Variants in LYPLAL1 observed in about 807,000 individuals in gnomAD.
LYPLAL1 encodes lysophospholipase-like protein 1.
A neutral mutation model predicts 19.7 loss-of-function variants in LYPLAL1; 23 were observed. The observed-to-expected ratio is 1.17, with a 90% CI of 0.84 to 1.65. The LOEUF is 1.65. Ranked by LOEUF, LYPLAL1 falls within the 40% of genes most tolerant of loss-of-function variation. LYPLAL1 has a pLI of 0.00. For missense variants in LYPLAL1, 355 were observed against 279.4 expected, an observed-to-expected ratio of 1.27 and a Z score of -1.93; for synonymous variants, 119 against 96.3, an observed-to-expected ratio of 1.24 and a Z score of -1.38.
chr1:219,419,594 C>CAGAGAGAGAGAGAGAGAGAGAG, the LYPLAL1 span, among the ~76,000 whole-genome samples: 6 of 99,528 alleles, frequency 6.0e-5, no homozygotes, highest in African/African-American at 2.4e-4. Flanking sequence ...CACACACACA[C>CAGAGAGAGAGAGAGAGAGAGAG]AGAGAGAGAG....
At chr1:219,227,170 T>G in the LYPLAL1 span, among the ~76,000 whole-genome samples, 1 of 152,346 alleles carries the variant, frequency 6.6e-6, no homozygotes, top group Non-Finnish European at 1.5e-5. Context: ...TGCTGAGAGA[T>G]TTTGGTAAGC....
At chr1:219,352,516 CAAATAAAT>C in the LYPLAL1 span, among the ~76,000 whole-genome samples, 11 of 150,792 alleles carry the variant, frequency 7.3e-5, no homozygotes, top group Admixed American at 4.0e-4. Context: ...GACTCCGTCT[CAAATAAAT>C]AAATAAATAA....
At chr1:219,343,898 AG>A in the LYPLAL1 span, among the ~76,000 whole-genome samples, 1 of 152,126 alleles carries the variant, frequency 6.6e-6, no homozygotes, top group African/African-American at 2.4e-5. Flanking sequence ...GGTAGAGAAA[AG>A]TAAGTCACTC....
At chr1:219,241,098 ATCTC>A in the LYPLAL1 span, among the ~76,000 whole-genome samples, 194 of 59,180 alleles carry the variant, frequency 3.3e-3, 4 homozygotes, top group South Asian at 6.5e-3. Flanking sequence ...AATATATATA[ATCTC>A]TCTCTCTCTC....
chr1:219,436,898 G>A, the LYPLAL1 span, among the ~76,000 whole-genome samples: 1 of 152,146 alleles, frequency 6.6e-6, no homozygotes, highest in African/African-American at 2.4e-5. Flanking sequence ...CAGGTTCTTT[G>A]CTTCAGTGTT....
At chr1:219,233,557 C>T in the LYPLAL1 span, among the ~76,000 whole-genome samples, 2 of 152,094 alleles carry the variant, frequency 1.3e-5, no homozygotes, top group South Asian at 2.1e-4. Context: ...CGTTTGAACC[C>T]AGGAGTTCAA....
chr1:219,278,212 CTT>C, the LYPLAL1 span, among the ~76,000 whole-genome samples: 2 of 152,194 alleles, frequency 1.3e-5, no homozygotes, highest in East Asian at 1.9e-4. Flanking sequence ...CCCCTGGACT[CTT>C]TTCCATAAAC....
chr1:219,276,178 A>T, the LYPLAL1 span, among the ~76,000 whole-genome samples: 2 of 151,354 alleles, frequency 1.3e-5, no homozygotes, highest in Admixed American at 6.6e-5. Flanking sequence ...CCACTTGAAG[A>T]AAAAAAAACA....
the LYPLAL1 span, among the ~76,000 whole-genome samples, chr1:219,219,512 C>G: frequency 6.6e-6 from 1 of 152,216 alleles, no homozygotes; most frequent in Non-Finnish European, 1.5e-5. Flanking sequence ...TTCTGGCCAT[C>G]TGGTAAGCCT....
chr1:219,288,947 C>T, the LYPLAL1 span, among the ~76,000 whole-genome samples: 3 of 152,288 alleles, frequency 2.0e-5, no homozygotes, highest in South Asian at 6.2e-4. Context: ...GGCACGCTCT[C>T]ATTTAAATCG....
intron 2 of LYPLAL1, among the ~76,000 whole-genome samples, chr1:219,182,854 G>A (rs907959559): frequency 1.3e-5 from 2 of 152,018 alleles, no homozygotes; most frequent in Non-Finnish European, 2.9e-5. Context: ...TTACCTGCCT[G>A]TTAGTTGGCC....
intron 4 of LYPLAL1, 110 bp downstream of exon 4, chr1:219,210,757 T>G: frequency 1.1e-6 from 1 of 933,178 alleles, no homozygotes; most frequent in Non-Finnish European, 1.5e-6. Context: ...TGATGCACAG[T>G]TGATATGGAT....
the LYPLAL1 span, among the ~76,000 whole-genome samples, chr1:219,311,185 T>C: frequency 3.3e-5 from 5 of 152,126 alleles, no homozygotes; most frequent in Non-Finnish European, 7.4e-5. Context: ...GAGTTTGTGC[T>C]TAACCACAAC....
At chr1:219,410,867 C>T in the LYPLAL1 span, among the ~76,000 whole-genome samples, 3 of 152,250 alleles carry the variant, frequency 2.0e-5, no homozygotes, top group African/African-American at 7.2e-5. Context: ...GATTTCTCGC[C>T]GGGCCTTGGC....
At chr1:219,299,499 G>A in the LYPLAL1 span, among the ~76,000 whole-genome samples, 4 of 152,146 alleles carry the variant, frequency 2.6e-5, no homozygotes, top group South Asian at 4.1e-4. Flanking sequence ...GGTGTTTACC[G>A]AGAGCCTAAT....
chr1:219,286,800 T>C, the LYPLAL1 span, among the ~76,000 whole-genome samples: 1 of 152,258 alleles, frequency 6.6e-6, no homozygotes, highest in Non-Finnish European at 1.5e-5. Flanking sequence ...CCTGTTCTCC[T>C]CTGTATGGTG....
At chr1:219,229,349 A>G in the LYPLAL1 span, among the ~76,000 whole-genome samples, 1 of 145,826 alleles carries the variant, frequency 6.9e-6, no homozygotes. Context: ...CACGCAGGCT[A>G]CCGAACAGCA....
At chr1:219,361,050 CAT>C in the LYPLAL1 span, among the ~76,000 whole-genome samples, 336 of 152,214 alleles carry the variant, frequency 2.2e-3, 1 homozygote, top group Middle Eastern at 0.01. Flanking sequence ...TCAAAAAAGA[CAT>C]GTTTCTCTCA....
intron 2 of LYPLAL1, among the ~76,000 whole-genome samples, chr1:219,181,580 G>A (rs552473991): frequency 7.2e-5 from 11 of 152,212 alleles, no homozygotes; most frequent in African/African-American, 2.4e-4. Context: ...CTCTTAATAA[G>A]CATAAAAAGC....
Sources: allele counts gnomAD v4.1 joint callset (sites outside exome capture counted in the v4.1 genomes callset), GRCh38; gene constraint gnomAD v4.1.1; transcripts MANE v1.5; gene names NCBI Gene and HGNC (gene_info 2026-07-23, HGNC 2026-07-21).